Variants in SORCS2 observed in about 807,000 individuals in gnomAD.
SORCS2 encodes sortilin related VPS10 domain containing receptor 2.
SORCS2 carries 100 observed loss-of-function variants against 141.6 expected under a neutral mutation model. The ratio of observed to expected loss-of-function variants is 0.71; its 90% CI spans 0.60 to 0.83. SORCS2 has a LOEUF of 0.83. Ranked by LOEUF, SORCS2 falls within the 40% of genes least tolerant of loss-of-function variation. The probability of loss-of-function intolerance (pLI) is 0.00; values close to 1 mark genes in which losing one functional copy is unlikely to be tolerated. For synonymous variants in SORCS2, 789 were observed against 676.9 expected (o/e 1.17, Z -2.57); for missense variants, 1,646 against 1,560.2 (o/e 1.05, Z -0.93).
intron 3 of SORCS2, among the ~76,000 whole-genome samples, chr4:7,621,532 TGTGA>T (rs570247571): frequency 6.6e-6 from 1 of 151,938 alleles, no homozygotes; most frequent in African/African-American, 2.4e-5. Context: ...TGTGTCTATG[TGTGA>T]GTATGTGTGT....
intron 3 of SORCS2, among the ~76,000 whole-genome samples, chr4:7,599,163 G>A (rs949702329): frequency 2.7e-5 from 4 of 150,566 alleles, no homozygotes; most frequent in Non-Finnish European, 4.4e-5. Flanking sequence ...GCAAGACGGC[G>A]GCCCCAGCTC....
chr4:7,706,550 G>A, intron 14 of SORCS2, among the ~76,000 whole-genome samples: 1 of 140,782 alleles, frequency 7.1e-6, no homozygotes, highest in South Asian at 2.5e-4. Flanking sequence ...GATGAGGCTG[G>A]GCTCTGCCTG....
At chr4:7,620,010 TCCTCCTCCTTCCTCC>T (rs1719050197) in intron 3 of SORCS2, among the ~76,000 whole-genome samples, 1 of 2,060 alleles carries the variant, frequency 4.9e-4, no homozygotes, top group African/African-American at 5.4e-4. Flanking sequence ...TTTTTTCTCC[TCCTCCTCCTTCCTCC>T]TCCTCCTCCT....
intron 2 of SORCS2, among the ~76,000 whole-genome samples, chr4:7,400,942 G>A (rs1340018813): frequency 6.6e-6 from 1 of 151,252 alleles, no homozygotes; most frequent in Non-Finnish European, 1.5e-5. Flanking sequence ...TGAATGGATA[G>A]ATAGATGGAT....
intron 5 of SORCS2, among the ~76,000 whole-genome samples, chr4:7,657,704 ATGAG>A (rs933414498): frequency 5.9e-5 from 9 of 151,524 alleles, no homozygotes; most frequent in East Asian, 5.9e-4. Context: ...GATTGAGTGA[ATGAG>A]TGAGTAGCTG....
intron 1 of SORCS2, among the ~76,000 whole-genome samples, chr4:7,353,605 C>A (rs1721080441): frequency 2.0e-5 from 3 of 152,160 alleles, no homozygotes; most frequent in African/African-American, 7.2e-5. Context: ...CCAATCTGTT[C>A]CCTGGGCCTC....
chr4:7,228,403 C>T (rs572005597), intron 1 of SORCS2, among the ~76,000 whole-genome samples: 2 of 152,108 alleles, frequency 1.3e-5, no homozygotes, highest in South Asian at 4.2e-4. Flanking sequence ...TGCATGTGTC[C>T]GGTGCTGTGG....
At chr4:7,347,566 A>G (rs1051096405) in intron 1 of SORCS2, among the ~76,000 whole-genome samples, 2 of 152,186 alleles carry the variant, frequency 1.3e-5, no homozygotes, top group Non-Finnish European at 2.9e-5. Context: ...AAGATCACAC[A>G]GCACTTACGT....
intron 12 of SORCS2, among the ~76,000 whole-genome samples, chr4:7,698,263 G>A (rs193127287): frequency 5.9e-5 from 9 of 152,278 alleles, no homozygotes; most frequent in African/African-American, 1.7e-4. Context: ...CAGACAAGAC[G>A]TTCTGTTTGA....
At chr4:7,332,289 G>A (rs1719700317) in intron 1 of SORCS2, among the ~76,000 whole-genome samples, 2 of 152,182 alleles carry the variant, frequency 1.3e-5, no homozygotes, top group Non-Finnish European at 2.9e-5. Context: ...AATCCCGGGG[G>A]CCCTGTCCGC....
intron 1 of SORCS2, among the ~76,000 whole-genome samples, chr4:7,228,577 G>A (rs1711577488): frequency 6.6e-6 from 1 of 152,326 alleles, no homozygotes; most frequent in East Asian, 1.9e-4. Flanking sequence ...ATTATGCAGA[G>A]GACATGGACT....
intron 1 of SORCS2, among the ~76,000 whole-genome samples, chr4:7,260,466 C>T (rs1215278722): frequency 6.6e-6 from 1 of 152,230 alleles, no homozygotes; most frequent in African/African-American, 2.4e-5. Context: ...CTAGGAGTCA[C>T]TCAACAAACA....
intron 1 of SORCS2, among the ~76,000 whole-genome samples, chr4:7,387,954 GCA>G (rs1277278801): frequency 0.018 from 1,042 of 57,808 alleles, 48 homozygotes; most frequent in Admixed American, 0.14. Context: ...ATACACACAT[GCA>G]CACACACACA....
At chr4:7,482,836 G>A (rs1730736703) in intron 2 of SORCS2, among the ~76,000 whole-genome samples, 1 of 151,296 alleles carries the variant, frequency 6.6e-6, no homozygotes, top group African/African-American at 2.5e-5. Context: ...CCTGGCTGCT[G>A]TTCAGACCTG....
intron 1 of SORCS2, among the ~76,000 whole-genome samples, chr4:7,267,559 C>G (rs548167254): frequency 1.3e-5 from 2 of 152,278 alleles, no homozygotes; most frequent in South Asian, 4.1e-4. Context: ...AGCCAGGCAC[C>G]GTGGCTCATG....
At chr4:7,252,419 G>A (rs1352935885) in intron 1 of SORCS2, among the ~76,000 whole-genome samples, 1 of 152,234 alleles carries the variant, frequency 6.6e-6, no homozygotes, top group Non-Finnish European at 1.5e-5. Context: ...GACTCTGGGG[G>A]CTGGCCAGGA....
At chr4:7,712,218 C>T (rs891424309) in intron 14 of SORCS2, among the ~76,000 whole-genome samples, 1 of 152,224 alleles carries the variant, frequency 6.6e-6, no homozygotes, top group African/African-American at 2.4e-5. Context: ...GAATCGCCAC[C>T]TCTACTAGGG....
rs1233652977 is a variant in SORCS2 at position 7,656,533 on chromosome 4, C to T, written c.887+2326C>T. ...CTCATGTCACAGGAGGGAACTGAGG[C>T]TTGGATAGGCTCGGGCCCACATTCT... On this transcript the variant is annotated intron_variant, in intron 5 of 26. Coordinates refer to ENST00000507866, the MANE Select transcript of SORCS2 (RefSeq NM_020777.3). Among the ~76,000 whole-genome samples the T allele has an allele frequency of 3.3e-5, 5 of 152,194 alleles. 1 individual carries two copies.
intron 2 of SORCS2, among the ~76,000 whole-genome samples, chr4:7,446,030 T>A (rs1045336990): frequency 1.3e-5 from 2 of 151,972 alleles, no homozygotes; most frequent in African/African-American, 4.8e-5. Flanking sequence ...CTTCTCTCCC[T>A]CTTTCATTCC....
Sources: allele counts gnomAD v4.1 joint callset (sites outside exome capture counted in the v4.1 genomes callset), GRCh38; gene constraint gnomAD v4.1.1; transcripts MANE v1.5; gene names NCBI Gene and HGNC (gene_info 2026-07-23, HGNC 2026-07-21).